LCP1: variants seen among roughly 807,000 people sequenced by gnomAD.
LCP1 encodes plastin-2.
A neutral mutation model predicts 72.0 loss-of-function variants in LCP1; 23 were observed. That is an observed-to-expected ratio of 0.32 (90% CI 0.23 to 0.45). The LOEUF is 0.45. LCP1 is among the 20% of genes least tolerant of loss of function. The probability of loss-of-function intolerance (pLI) is 1.00; values close to 1 mark genes in which losing one functional copy is unlikely to be tolerated. For missense variants in LCP1, 571 were observed against 748.3 expected (o/e 0.76, Z 2.76); for synonymous variants, 245 against 275.4 (o/e 0.89, Z 1.09).
chr13:46,138,363 T>C (rs1170042957), intron 13 of LCP1, among the ~76,000 whole-genome samples: 1 of 152,206 alleles, frequency 6.6e-6, no homozygotes, highest in Non-Finnish European at 1.5e-5. Flanking sequence ...AAAAAATCCC[T>C]TCCGGTGCCA....
At chr13:46,165,011 T>C (rs1183772005) in intron 1 of LCP1, among the ~76,000 whole-genome samples, 1 of 152,140 alleles carries the variant, frequency 6.6e-6, no homozygotes, top group Admixed American at 6.5e-5. Context: ...AGGGCAGTAA[T>C]TTCACAAAGC....
chr13:46,154,533 A>G (rs920262997), intron 6 of LCP1, among the ~76,000 whole-genome samples: 4 of 152,254 alleles, frequency 2.6e-5, no homozygotes, highest in Non-Finnish European at 5.9e-5. Flanking sequence ...TAAATTGCTA[A>G]GGAAAGCTTG....
At chr13:46,173,321 T>C (rs1566446801) in intron 1 of LCP1, among the ~76,000 whole-genome samples, 1 of 152,134 alleles carries the variant, frequency 6.6e-6, no homozygotes, top group Non-Finnish European at 1.5e-5. Flanking sequence ...GTGCTAATAA[T>C]GCAATCACAC....
intron 5 of LCP1, 40 bp from the exon 6 acceptor site, chr13:46,154,926 G>T (rs2045791472): frequency 2.1e-6 from 3 of 1,460,806 alleles, no homozygotes; most frequent in Non-Finnish European, 2.9e-6. Context: ...GCAGTCTTCT[G>T]AATAACAGAG....
chr13:46,127,532 G>A lies in LCP1; in HGVS notation c.*59C>T. On this transcript the variant is annotated 3_prime_UTR_variant, in exon 16 of 16. Transcript: ENST00000323076. ...TGGAATGGCTTGAATCATCCCTGGAGCATCTGTGCCGGGCAGTCAGGAGTG... is the reference window on the plus strand; with the variant it reads ...TGGAATGGCTTGAATCATCCCTGGAACATCTGTGCCGGGCAGTCAGGAGTG... 1.2e-6 allele frequency: 2 copies of A among 1,601,590 alleles called. No homozygotes were observed. Among genetic ancestry groups the A allele is most frequent in the Non-Finnish European group, 1.7e-6 (2 of 1,172,086 alleles).
At position 46,161,290 on chromosome 13, in the gene LCP1, A is replaced by G. The variant is rs116013045; in HGVS notation, c.-24-1604T>C. Among the ~76,000 whole-genome samples, 804 of 152,324 alleles carry G rather than the reference A, an allele frequency of 5.3e-3. 3 individuals carry two copies. Among genetic ancestry groups the G allele is most frequent in the African/African-American group, 0.019 (775 of 41,568 alleles). On this transcript the variant is annotated intron_variant, in intron 1 of 15. Transcript: ENST00000323076. ...ATCTGTGGGAACTCCAGGGAGCATG[A>G]TTTGAAAATCATAGAATTATATATG...
intron 1 of LCP1, among the ~76,000 whole-genome samples, chr13:46,175,666 C>T (rs74074064): frequency 0.029 from 4,455 of 152,042 alleles, 228 homozygotes; most frequent in African/African-American, 0.1. Flanking sequence ...GAAACAGAAT[C>T]CATGATATTT....
At chr13:46,177,370 G>T (rs191450372) in intron 1 of LCP1, among the ~76,000 whole-genome samples, 2 of 152,142 alleles carry the variant, frequency 1.3e-5, no homozygotes, top group Admixed American at 6.5e-5. Context: ...GGCCGGGCGC[G>T]GTGGCTCACG....
At chr13:46,178,315 T>C (rs965646186) in intron 1 of LCP1, among the ~76,000 whole-genome samples, 4 of 152,184 alleles carry the variant, frequency 2.6e-5, no homozygotes, top group Non-Finnish European at 5.9e-5. Flanking sequence ...GGAGCAGTTA[T>C]GCAATTTCTG....
intron 1 of LCP1, among the ~76,000 whole-genome samples, chr13:46,181,283 G>A (rs1327067445): frequency 6.6e-6 from 1 of 152,186 alleles, no homozygotes; most frequent in Non-Finnish European, 1.5e-5. Flanking sequence ...TGGTAATTAA[G>A]TAAAAGCTTA....
Position 46,142,342 on chromosome 13 carries a change from A to T in LCP1, c.1452T>A (p.Asn484Lys). ...CCAGTGTGAGAGTGCGGTTTCCTTC[A>T]TTGAGATCTTGTCCACCGATGCCAA... ...SLVGIGGQDL[N>K]EGNRTLTLAL... Residue 484 changes from asparagine (N) to lysine (K), a missense_variant, in exon 13 of 16, where the codon AAT becomes AAA. Physicochemically the swap from Asn to Lys is moderately conservative, Grantham distance 94. Coordinates refer to ENST00000323076, the MANE Select transcript of LCP1 (RefSeq NM_002298.5). The T allele has an allele frequency of 1.2e-6, 2 of 1,614,102 alleles. No individual in the cohort carries two copies. Among genetic ancestry groups the T allele is most frequent in the Non-Finnish European group, 8.5e-7 (1 of 1,179,998 alleles).
At chr13:46,131,804 T>C (rs1333161843) in intron 14 of LCP1, among the ~76,000 whole-genome samples, 2 of 152,020 alleles carry the variant, frequency 1.3e-5, no homozygotes, top group Non-Finnish European at 2.9e-5. Flanking sequence ...AGCTAAACAT[T>C]GAGTATGTAT....
chr13:46,147,872 T>C (rs2045740178), intron 9 of LCP1, among the ~76,000 whole-genome samples: 1 of 152,194 alleles, frequency 6.6e-6, no homozygotes, highest in African/African-American at 2.4e-5. Flanking sequence ...TAGATAACGC[T>C]ACACATTATG....
intron 15 of LCP1, among the ~76,000 whole-genome samples, chr13:46,129,880 C>A (rs1593939989): frequency 6.6e-6 from 1 of 152,102 alleles, no homozygotes; most frequent in South Asian, 2.1e-4. Flanking sequence ...TTGGGTGGGA[C>A]CTTAATCCAG....
chr13:46,158,487 C>G, intron 4 of LCP1, 35 bp downstream of exon 4: 1 of 1,606,504 alleles, frequency 6.2e-7, no homozygotes, highest in Non-Finnish European at 8.5e-7. Flanking sequence ...ATCTGTAATC[C>G]TGAAATCCTG....
intron 15 of LCP1, among the ~76,000 whole-genome samples, chr13:46,130,219 T>C (rs1368126222): frequency 6.6e-6 from 1 of 152,202 alleles, no homozygotes; most frequent in Non-Finnish European, 1.5e-5. Context: ...AAAGACTGGA[T>C]GGTAAACATC....
intron 13 of LCP1, among the ~76,000 whole-genome samples, chr13:46,138,477 T>C (rs2045678231): frequency 6.6e-6 from 1 of 152,230 alleles, no homozygotes; most frequent in Non-Finnish European, 1.5e-5. Flanking sequence ...ATGAGAAATA[T>C]GACTTTTTAA....
intron 14 of LCP1, among the ~76,000 whole-genome samples, chr13:46,131,941 C>A (rs2045636501): frequency 6.6e-6 from 1 of 151,872 alleles, no homozygotes; most frequent in South Asian, 2.1e-4. Context: ...CAATGGAAAC[C>A]CAAACCTCAG....
intron 14 of LCP1, among the ~76,000 whole-genome samples, chr13:46,133,283 A>T (rs918658416): frequency 6.6e-6 from 1 of 152,226 alleles, no homozygotes; most frequent in Non-Finnish European, 1.5e-5. Flanking sequence ...TGCTTTTAAA[A>T]TCATGGATTT....
Sources: gnomAD v4.1 joint callset for allele counts (sites outside exome capture counted in the v4.1 genomes callset) on GRCh38, gnomAD v4.1.1 for gene constraint, MANE v1.5 for transcripts, NCBI Gene and HGNC (gene_info 2026-07-23, HGNC 2026-07-21) for gene names.